ZNF205: variants seen among roughly 807,000 people sequenced by gnomAD.
ZNF205 encodes the protein transcriptional repressor RHIT.
ZNF205 carries 32 observed loss-of-function variants against 53.6 expected under a neutral mutation model. The observed-to-expected ratio is 0.60, with a 90% CI of 0.45 to 0.80. The LOEUF is 0.80. Among genes scored for constraint, ZNF205 ranks in the 30% least tolerant of loss-of-function variants. ZNF205 has a pLI of 0.00. For missense variants in ZNF205, 836 were observed against 782.4 expected (o/e 1.07, Z -0.82); for synonymous variants, 382 against 334.3 (o/e 1.14, Z -1.56).
chr16:3,118,845 C>A, intron 5 of ZNF205, 60 bp from the exon 6 acceptor site: 1 of 1,554,330 alleles, frequency 6.4e-7, no homozygotes, highest in South Asian at 1.2e-5. Flanking sequence ...TGGGGAGATG[C>A]TGTCTGCAGC....
rs765753832 is a variant in ZNF205 at position 3,120,286 on chromosome 16, G to C, written c.1626G>C (p.Ala542=). The change falls in exon 7 of 7, where the codon GCG becomes GCC. Residue 542 remains alanine (A), a synonymous_variant. Transcript: ENST00000219091. Reference sequence around the variant, plus strand: ...CCATGCTGATGCTGGGGGCGGCGGCGGCGGGGGCTCTGGCCACACCCCCAC... The same window carrying C: ...CCATGCTGATGCTGGGGGCGGCGGCCGCGGGGGCTCTGGCCACACCCCCAC... ...ALAMLMLGAA[A]AGALATPPPA... 1.9e-5 allele frequency: 30 copies of C among 1,591,250 alleles called. No individual in the cohort carries two copies. Among genetic ancestry groups the C allele is most frequent in the Non-Finnish European group, 2.5e-5 (29 of 1,175,744 alleles).
At chr16:3,119,055 C>T (rs781182555) in intron 6 of ZNF205, 40 bp downstream of exon 6, 18 of 1,599,402 alleles carry the variant, frequency 1.1e-5, no homozygotes, top group East Asian at 2.2e-5. Context: ...GGGAGTGGGG[C>T]GCAGACGCAG....
intron 5 of ZNF205, 74 bp from the exon 6 acceptor site, chr16:3,118,831 G>C: frequency 6.6e-7 from 1 of 1,514,092 alleles, no homozygotes; most frequent in Non-Finnish European, 9.0e-7. Flanking sequence ...GGGCCCATCA[G>C]TTTTGGGGAG....
In ZNF205 at chr16:3,113,511, A is replaced by G. The variant is rs775572318; in HGVS notation, c.57+24A>G. 5.3e-5 allele frequency: 86 copies of G among 1,611,684 alleles called. 1 individual carries two copies. In the Admixed American group the frequency reaches 1.4e-3, roughly 27 times the overall value. On this transcript the variant is annotated intron_variant, in intron 2 of 6. Transcript: ENST00000219091. ...AGGTACAGATGGGGCTGGCTGAGGG[A>G]GGTGTGCGGTAGAAGAGGCTGGTGC... is the stretch of plus-strand genomic sequence containing the variant.
intron 2 of ZNF205, among the ~76,000 whole-genome samples, chr16:3,114,381 C>T (rs939300101): frequency 6.6e-6 from 1 of 152,208 alleles, no homozygotes; most frequent in Admixed American, 6.5e-5. Flanking sequence ...AGAGCAGCTG[C>T]GTCCTGAAGG....
Position 3,115,867 on chromosome 16 carries a change from G to A in ZNF205, c.310G>A (p.Gly104Arg). The A allele has an allele frequency of 6.2e-7, 1 of 1,614,060 alleles. No individual in the cohort carries two copies. Among genetic ancestry groups the A allele is most frequent in the Non-Finnish European group, 8.5e-7 (1 of 1,180,002 alleles). The stretch of plus-strand genomic sequence containing the variant: ...CCGGATCCCCGTGCTTTCCCGAGAG[G>A]GGAGGACCAGAGACCGGCAGATGGC... Reference protein sequence around the residue: ...SPRIPVLSREGRTRDRQMAAA... With the variant: ...SPRIPVLSRERRTRDRQMAAA... Residue 104 changes from glycine (G) to arginine (R), a missense_variant, in exon 4 of 7, where the codon GGG (glycine) becomes AGG (arginine). Gly to Arg is a moderately radical substitution (Grantham distance 125). Coordinates refer to ENST00000219091, the MANE Select transcript of ZNF205 (RefSeq NM_001042428.2).
At chr16:3,116,316 C>A in intron 4 of ZNF205, 111 bp from the exon 5 acceptor site, 1 of 1,511,958 alleles carries the variant, frequency 6.6e-7, no homozygotes, top group Non-Finnish European at 9.0e-7. Flanking sequence ...GCAGGCCTCA[C>A]TCGACACAGT....
Position 3,119,863 on chromosome 16 carries a change from C to T in ZNF205, c.1203C>T (p.Phe401=), listed in dbSNP as rs1173289647. Residue 401 remains phenylalanine, a synonymous_variant, in exon 7 of 7, where the codon TTC becomes TTT. Coordinates refer to ENST00000219091, the MANE Select transcript of ZNF205 (RefSeq NM_001042428.2). The part of the protein sequence containing the change: ...PYVCDRCAKR[F]TRRSDLVTHQ... ...TGTGCGACCGCTGCGCCAAGCGCTT[C>T]ACCCGCCGCTCGGACTTGGTCACCC... The T allele has an allele frequency of 1.2e-6, 2 of 1,613,070 alleles. No individual in the cohort carries two copies. Among genetic ancestry groups the T allele is most frequent in the Admixed American group, 1.7e-5 (1 of 60,004 alleles).
Position 3,119,878 on chromosome 16 carries a change from C to T in ZNF205, c.1218C>T (p.Asp406=). 2 of 1,613,606 alleles carry T rather than the reference C, an allele frequency of 1.2e-6. No homozygotes were observed. Among genetic ancestry groups the T allele is most frequent in the Non-Finnish European group, 1.7e-6 (2 of 1,179,900 alleles). Reference sequence around the variant, plus strand: ...CCAAGCGCTTCACCCGCCGCTCGGACTTGGTCACCCACCAGGGCACCCACA... The same window carrying T: ...CCAAGCGCTTCACCCGCCGCTCGGATTTGGTCACCCACCAGGGCACCCACA... ...RCAKRFTRRS[D]LVTHQGTHTG... is the part of the protein sequence containing the mutation. Residue 406 remains aspartate (D), a synonymous_variant, in exon 7 of 7, where the codon GAC becomes GAT. Transcript: ENST00000219091.
intron 1 of ZNF205, 181 bp from the exon 2 acceptor site, chr16:3,113,236 T>C: frequency 1.7e-6 from 1 of 593,292 alleles, no homozygotes; most frequent in Admixed American, 3.1e-5. Flanking sequence ...TCGGATAGGA[T>C]CTGGGAGACT....
chr16:3,113,300 C>T (rs1957293907), intron 1 of ZNF205, 117 bp from the exon 2 acceptor site: 1 of 936,414 alleles, frequency 1.1e-6, no homozygotes, highest in South Asian at 1.5e-5. Context: ...TTTCAGGGCT[C>T]TTTGGGGGTG....
chr16:3,115,984 T>A, intron 4 of ZNF205, 64 bp downstream of exon 4: 1 of 1,537,812 alleles, frequency 6.5e-7, no homozygotes, highest in South Asian at 1.2e-5. Flanking sequence ...TGGTTCTGTG[T>A]GAAAGCCAGG....
At position 3,116,519 on chromosome 16, in the gene ZNF205, C is replaced by A; in HGVS notation, c.456C>A (p.Val152=). ...CGCAGCAGAACTTCTACAGGGATGTCCTGCAGAAGAAAAATGGGCTGTCAC... is the reference window on the plus strand; with the variant it reads ...CGCAGCAGAACTTCTACAGGGATGTACTGCAGAAGAAAAATGGGCTGTCAC... ...DHTQQNFYRD[V]LQKKNGLSLG... is the part of the protein sequence containing the mutation. The change falls in exon 5 of 7, where the codon GTC becomes GTA. Residue 152 remains valine (V), a synonymous_variant. Transcript: ENST00000219091. The A allele has an allele frequency of 1.2e-6, 2 of 1,614,008 alleles. No individual in the cohort carries two copies. The highest frequency in any genetic ancestry group is 1.7e-6 in the Non-Finnish European group (2 of 1,179,986).
At chr16:3,115,279 C>A (rs932174252) in intron 2 of ZNF205, 76 bp from the exon 3 acceptor site, 3 of 1,219,102 alleles carry the variant, frequency 2.5e-6, no homozygotes, top group African/African-American at 1.6e-5. Flanking sequence ...GTTTCCGACG[C>A]TGCCGGAGCG....
chr16:3,117,355 T>G (rs1172600510), intron 5 of ZNF205, among the ~76,000 whole-genome samples: 1 of 150,858 alleles, frequency 6.6e-6, no homozygotes, highest in Admixed American at 6.6e-5. Context: ...CCCTTGGGTG[T>G]CCCATCTGCT....
rs983319320 is a variant in ZNF205, at chr16:3,120,361, A to G, written c.*36A>G. ...AAGGGGGAGCGGGGCGCCCAGGGCC[A>G]CTGGAACAGCCCCACTGGAGTCAAG... On this transcript the variant is annotated 3_prime_UTR_variant, in exon 7 of 7. Transcript: ENST00000219091. 1 of 1,465,748 alleles carries G rather than the reference A, an allele frequency of 6.8e-7. No homozygotes were observed. Among genetic ancestry groups the G allele is most frequent in the African/African-American group, 1.4e-5 (1 of 70,576 alleles). 90.8% of individuals were successfully genotyped at this position (1,465,748 alleles called of 1,614,324 possible). A position where few individuals can be genotyped will look rare whatever the true frequency, so the allele number is the denominator to read the frequency against.
intron 6 of ZNF205, 115 bp from the exon 7 acceptor site, chr16:3,119,141 C>G (rs567836220): frequency 1.3e-6 from 2 of 1,502,924 alleles, no homozygotes; most frequent in Non-Finnish European, 1.8e-6. Flanking sequence ...CCAGGGCGGC[C>G]CTTGCGCTTT....
Position 3,115,339 on chromosome 16 carries a change from G to T in ZNF205, c.58-16G>T, listed in dbSNP as rs186697113. 6.4e-7 allele frequency: 1 copy of T among 1,568,066 alleles called. No homozygotes were observed. The highest frequency in any genetic ancestry group is 8.6e-7 in the Non-Finnish European group (1 of 1,157,608). The stretch of plus-strand genomic sequence containing the variant: ...TCTCCCACTCATCTGGGTGCTGATG[G>T]GGCTGTCCTTTCTAGGTTCCAGATC... On this transcript the variant is annotated splice_polypyrimidine_tract_variant and intron_variant, in intron 2 of 6. Coordinates refer to ENST00000219091, the MANE Select transcript of ZNF205 (RefSeq NM_001042428.2).
intron 2 of ZNF205, among the ~76,000 whole-genome samples, chr16:3,114,000 G>A (rs1957306689): frequency 2.0e-5 from 3 of 152,060 alleles, no homozygotes; most frequent in Admixed American, 2.0e-4. Context: ...TGGCCTCTGG[G>A]AACCAGATGT....
Sources: allele counts gnomAD v4.1 joint callset (sites outside exome capture counted in the v4.1 genomes callset), GRCh38; gene constraint gnomAD v4.1.1; transcripts MANE v1.5; gene names NCBI Gene and HGNC (gene_info 2026-07-23, HGNC 2026-07-21).